The following COQ2 variants were observed in gnomAD, a reference collection of about 807,000 sequenced individuals.
COQ2 encodes the protein coenzyme Q2, polyprenyltransferase, also known as 4-hydroxybenzoate polyprenyltransferase, mitochondrial.
Under a neutral mutation model 35.7 loss-of-function variants are expected in COQ2, and 25 were observed. The ratio of observed to expected loss-of-function variants is 0.70; its 90% CI spans 0.51 to 0.98. The LOEUF is 0.98. COQ2 is among the 50% of genes least tolerant of loss of function. The probability of loss-of-function intolerance (pLI) is 0.00; values close to 1 mark genes in which losing one functional copy is unlikely to be tolerated. For synonymous variants in COQ2, 206 were observed against 186.2 expected (o/e 1.11, Z -0.86); for missense variants, 488 against 473.5 (o/e 1.03, Z -0.28).
chr4:83,278,591 A>C (rs999378802), intron 2 of COQ2, among the ~76,000 whole-genome samples: 6 of 152,242 alleles, frequency 3.9e-5, no homozygotes, highest in African/African-American at 1.4e-4. Flanking sequence ...TTAGGGCTCT[A>C]AAATACATCT....
chr4:83,266,940 T>C (rs1734932928), intron 6 of COQ2: 1 of 288,272 alleles, frequency 3.5e-6, no homozygotes, highest in Admixed American at 4.9e-5. Flanking sequence ...AAAAGCTTTA[T>C]CTGTCAGTTT....
intron 6 of COQ2, among the ~76,000 whole-genome samples, chr4:83,264,639 C>CA (rs533306911): frequency 4.1e-4 from 60 of 147,748 alleles, no homozygotes; most frequent in East Asian, 1.4e-3. Context: ...GACTCTATCT[C>CA]AAAAAAAAAG....
At chr4:83,281,530 T>C (rs6849677) in intron 1 of COQ2, 134,744 of 152,220 alleles carry the variant, frequency 0.89, 60,847 homozygotes, top group East Asian at 0.99. Context: ...CACTTGTAAG[T>C]TGAGTGACAC....
rs559374649 is a variant in COQ2, at chr4:83,281,708, T to C, written c.254-2594A>G. The C allele has an allele frequency of 5.9e-5, 9 of 152,362 alleles. No individual in the cohort carries two copies. In the East Asian group the frequency reaches 1.3e-3, roughly 23 times the overall value. The allele number at this position is 152,362 out of a possible 1,614,324, so 9.4% of individuals were successfully genotyped here. A position where few individuals can be genotyped will look rare whatever the true frequency, so the allele number is the denominator to read the frequency against. ...TACCAGGTGGTTTCACAGAACACTT[T>C]TGACTCTCACAACAAGCCTATTCGA... On this transcript the variant is annotated intron_variant, in intron 1 of 6. Transcript: ENST00000647002.
chr4:83,271,958 A>G (rs528790206), intron 4 of COQ2, 129 bp downstream of exon 4: 1 of 631,530 alleles, frequency 1.6e-6, no homozygotes, highest in African/African-American at 1.9e-5. Context: ...TTAAAGTACG[A>G]AAATCTACTA....
chr4:83,273,430 T>A lies in COQ2; in HGVS notation c.542+66A>T, dbSNP rs1204026110. On this transcript the variant is annotated intron_variant, in intron 3 of 6. Transcript: ENST00000647002. ...CAACTTTGTGATAAAGATATTTCAT[T>A]TTATTCCTATTTTCTCCATTTCAAA... is the stretch of plus-strand genomic sequence containing the variant. The A allele has an allele frequency of 3.3e-6, 5 of 1,494,452 alleles. No individual in the cohort carries two copies. The African/African-American group carries it at 7.1e-5, about 21-fold the overall frequency. The allele number at this position is 1,494,452 out of a possible 1,614,324, so 92.6% of individuals were successfully genotyped here.
intron 1 of COQ2, 76 bp downstream of exon 1, chr4:83,284,436 C>T: frequency 6.7e-7 from 1 of 1,482,506 alleles, no homozygotes; most frequent in Non-Finnish European, 9.0e-7. Flanking sequence ...CGGCCGGCCG[C>T]CGCGGACAGC....
At chr4:83,274,280 G>A (rs1735115569) in intron 2 of COQ2, among the ~76,000 whole-genome samples, 1 of 152,032 alleles carries the variant, frequency 6.6e-6, no homozygotes. Flanking sequence ...TGCAACCTCT[G>A]CCTCCCGGGT....
chr4:83,283,367 T>G, intron 1 of COQ2: 1 of 985,446 alleles, frequency 1.0e-6, no homozygotes, highest in South Asian at 4.7e-5. Flanking sequence ...AGATATGTTC[T>G]TGTCTAGTCT....
At chr4:83,266,952 C>A in intron 6 of COQ2, 1 of 296,774 alleles carries the variant, frequency 3.4e-6, no homozygotes, top group South Asian at 2.6e-5. Flanking sequence ...TGTCAGTTTG[C>A]TTTTAGAGTA....
At chr4:83,278,023 C>CGT (rs1735227708) in intron 2 of COQ2, among the ~76,000 whole-genome samples, 1 of 136,386 alleles carries the variant, frequency 7.3e-6, no homozygotes, top group Non-Finnish European at 1.6e-5. Context: ...CACACACACA[C>CGT]GTAACACTAT....
rs750974987 is a variant in COQ2, at chr4:83,269,973, C to A, written c.649G>T (p.Ala217Ser). 1.9e-6 allele frequency: 3 copies of A among 1,612,922 alleles called. No homozygotes were observed. Among genetic ancestry groups the A allele is most frequent in the Non-Finnish European group, 2.5e-6 (3 of 1,179,592 alleles). The change falls in exon 5 of 7, where the codon GCG (alanine) becomes TCG (serine). Residue 217 changes from alanine (A) to serine (S), a missense_variant. Ala to Ser is a moderately conservative substitution (Grantham distance 99, BLOSUM62 1). Transcript: ENST00000647002. ...LALGLTFNWGALLGWSAIKGS... is the reference protein window; with the variant it reads ...LALGLTFNWGSLLGWSAIKGS... ...TTGATAGCAGACCATCCAAGTAACGCTCCCCAATTAAATGTCAAGCCTACA... is the reference window on the plus strand; with the variant it reads ...TTGATAGCAGACCATCCAAGTAACGATCCCCAATTAAATGTCAAGCCTACA...
chr4:83,284,576 C>T lies in COQ2; in HGVS notation c.189G>A (p.Val63=), dbSNP rs368507578. 29 of 1,553,640 alleles carry T rather than the reference C, an allele frequency of 1.9e-5. No individual in the cohort carries two copies. In the East Asian group the frequency reaches 2.7e-4, roughly 15 times the overall value. The part of the protein sequence containing the change: ...GRQLSLSAAA[V]VDSAPRPLQP... ...GCAGGGGGCGGGGCGCAGAGTCCAC[C>T]ACCGCCGCCGCGGACAAACTGAGCT... The change falls in exon 1 of 7, where the codon GTG becomes GTA. Residue 63 remains valine, a synonymous_variant. Transcript: ENST00000647002.
At chr4:83,265,649 C>T (rs1028082183) in intron 6 of COQ2, among the ~76,000 whole-genome samples, 4 of 152,010 alleles carry the variant, frequency 2.6e-5, no homozygotes, top group Admixed American at 6.6e-5. Context: ...ATAAAGTGGG[C>T]TCCAAGTATT....
intron 2 of COQ2, among the ~76,000 whole-genome samples, chr4:83,276,271 C>T (rs1264076142): frequency 3.3e-5 from 5 of 151,514 alleles, no homozygotes; most frequent in Admixed American, 1.3e-4. Context: ...GTTGTTTGAG[C>T]TCCTTGTAGA....
intron 1 of COQ2, chr4:83,283,550 A>T: frequency 1.0e-6 from 1 of 985,470 alleles, no homozygotes; most frequent in Non-Finnish European, 1.2e-6. Context: ...ACTTTCCAGC[A>T]AGGGATCCAC....
Position 83,269,885 on chromosome 4 carries a change from A to G in COQ2, c.737T>C (p.Ile246Thr), listed in dbSNP as rs754742286. Residue 246 changes from isoleucine (I) to threonine (T), a missense_variant, in exon 5 of 7, where the codon ATA (isoleucine) becomes ACA (threonine). Transcript: ENST00000647002. ...CTGATGGGCATAAATAGTATCATAT[A>G]TTAGTGTCCACATAACTCCAGAAAA... ...LYFSGVMWTL[I>T]YDTIYAHQDK... The G allele has an allele frequency of 3.1e-6, 5 of 1,608,396 alleles. No homozygotes were observed. The highest frequency in any genetic ancestry group is 2.2e-5 in the South Asian group (2 of 90,640).
intron 5 of COQ2, 95 bp from the exon 6 acceptor site, chr4:83,267,869 A>G: frequency 1.0e-6 from 1 of 992,620 alleles, no homozygotes; most frequent in South Asian, 1.7e-5. Flanking sequence ...GTTTTTTTGT[A>G]TATTCACAAG....
At chr4:83,272,952 T>C (rs1399967546) in intron 3 of COQ2, among the ~76,000 whole-genome samples, 1 of 152,208 alleles carries the variant, frequency 6.6e-6, no homozygotes. Flanking sequence ...TAACTTTTTG[T>C]CTTTCTTCTC....
Sources: gnomAD v4.1 joint callset for allele counts (sites outside exome capture counted in the v4.1 genomes callset) on GRCh38, gnomAD v4.1.1 for gene constraint, MANE v1.5 for transcripts, NCBI Gene and HGNC (gene_info 2026-07-23, HGNC 2026-07-21) for gene names.